The following ANKRD28 variants were observed in gnomAD, a reference collection of about 807,000 sequenced individuals.
ANKRD28 encodes serine/threonine-protein phosphatase 6 regulatory ankyrin repeat subunit A.
In ANKRD28, 44 loss-of-function variants were observed where a neutral mutation model predicts 126.5. That is an observed-to-expected ratio of 0.35 (90% CI 0.27 to 0.45). The LOEUF (loss-of-function observed/expected upper bound fraction) is 0.45, where lower values mean the gene tolerates loss of function less well. Ranked by LOEUF, ANKRD28 falls within the 20% of genes least tolerant of loss-of-function variation. ANKRD28 has a pLI of 1.00. For missense variants in ANKRD28, 1,110 were observed against 1,316.6 expected (o/e 0.84, Z 2.43); for synonymous variants, 442 against 468.5 (o/e 0.94, Z 0.73).
chr3:15,844,074 T>A (rs1186252145), intron 1 of ANKRD28, among the ~76,000 whole-genome samples: 2 of 152,156 alleles, frequency 1.3e-5, no homozygotes, highest in Non-Finnish European at 2.9e-5. Flanking sequence ...TAATGGTTGA[T>A]ATGAAGTGAG....
chr3:15,724,945 C>A (rs760463460), intron 6 of ANKRD28, among the ~76,000 whole-genome samples: 46 of 152,094 alleles, frequency 3.0e-4, no homozygotes, highest in Non-Finnish European at 3.7e-4. Flanking sequence ...CATGCCACTG[C>A]ACTCCAGGGT....
rs1384999941 is a variant in ANKRD28 at position 15,850,258 on chromosome 3, G to GAGAGAGAGAGAGAGAGAGAA, written c.27+9118_27+9119insTTCTCTCTCTCTCTCTCTCT. Among the ~76,000 whole-genome samples, 165 of 126,866 alleles carry GAGAGAGAGAGAGAGAGAGAA rather than the reference G, an allele frequency of 1.3e-3. 1 individual carries two copies. The highest frequency in any genetic ancestry group is 7.1e-3 in the East Asian group (22 of 3,118). 83.2% of individuals were successfully genotyped at this position (126,866 alleles called of 152,430 possible). On this transcript the variant is annotated intron_variant, in intron 1 of 27. Coordinates refer to the ANKRD28 transcript ENST00000399451. Reference sequence around the variant, plus strand: ...AGAGAGAGAGAGAGAGAGAGAGAGAGAGAGAAAGTTGAAATCCTACCTCAT... The same window carrying GAGAGAGAGAGAGAGAGAGAA: ...AGAGAGAGAGAGAGAGAGAGAGAGAGAGAGAGAGAGAGAGAGAGAAAGAGAAAGTTGAAATCCTACCTCAT...
chr3:15,844,935 C>T (rs892905740), intron 1 of ANKRD28, among the ~76,000 whole-genome samples: 6 of 152,180 alleles, frequency 3.9e-5, no homozygotes, highest in Non-Finnish European at 7.3e-5. Flanking sequence ...ATAGCGGTTT[C>T]TGCTTCTGGG....
intron 6 of ANKRD28, among the ~76,000 whole-genome samples, chr3:15,729,687 G>A (rs1473004398): frequency 1.3e-5 from 2 of 151,970 alleles, no homozygotes; most frequent in Non-Finnish European, 2.9e-5. Context: ...TTCAAACAGA[G>A]GCACCCCTCC....
chr3:15,850,264 A>AGAGAGAGAGAGAGAGAGAG (rs1553650173), intron 1 of ANKRD28, among the ~76,000 whole-genome samples: 3 of 80,434 alleles, frequency 3.7e-5, no homozygotes, highest in Non-Finnish European at 8.2e-5. Flanking sequence ...GAGAGAGAGA[A>AGAGAGAGAGAGAGAGAGAG]AGTTGAAATC....
intron 17 of ANKRD28, among the ~76,000 whole-genome samples, chr3:15,690,718 C>T (rs1331630829): frequency 1.3e-5 from 2 of 152,152 alleles, no homozygotes; most frequent in African/African-American, 4.8e-5. Flanking sequence ...GTACACGTCA[C>T]CATGCCCAGC....
intron 1 of ANKRD28, among the ~76,000 whole-genome samples, chr3:15,852,898 C>T (rs1179432056): frequency 1.4e-5 from 2 of 145,174 alleles, no homozygotes; most frequent in South Asian, 4.4e-4. Context: ...AGCCTTCTCA[C>T]AAAAGCTAAT....
intron 18 of ANKRD28, among the ~76,000 whole-genome samples, chr3:15,688,693 T>G (rs1213034118): frequency 1.3e-5 from 2 of 152,214 alleles, no homozygotes; most frequent in African/African-American, 4.8e-5. Flanking sequence ...TCAAATGTAT[T>G]CTTAAGGATC....
In ANKRD28 at chr3:15,721,026, C is replaced by G. The variant is rs2073669540; in HGVS notation, c.885G>C (p.Val295=). 4 of 1,613,856 alleles carry G rather than the reference C, an allele frequency of 2.5e-6. No homozygotes were observed. The East Asian group carries it at 8.9e-5, about 36-fold the overall frequency. ...VNELIDCGAI[V]NQKNEKGFTP... is the part of the protein sequence containing the mutation. ...TAAATCCTTTTTCATTCTTTTGATT[C>G]ACAATAGCACCACAGTCTATAAGTT... The change falls in exon 8 of 28, where the codon GTG becomes GTC. Residue 295 remains valine, a synonymous_variant. Coordinates refer to ENST00000683139, the MANE Select transcript of ANKRD28 (RefSeq NM_001349278.2).
At chr3:15,808,622 A>C (rs2060640069) in intron 1 of ANKRD28, among the ~76,000 whole-genome samples, 1 of 152,210 alleles carries the variant, frequency 6.6e-6, no homozygotes, top group South Asian at 2.1e-4. Flanking sequence ...AGGTTCATTC[A>C]AGACTGTATC....
chr3:15,842,886 T>C (rs1298807152), intron 1 of ANKRD28, among the ~76,000 whole-genome samples: 3 of 152,206 alleles, frequency 2.0e-5, no homozygotes. Context: ...TGCTTTACAC[T>C]GAAGAAAACA....
intron 1 of ANKRD28, among the ~76,000 whole-genome samples, chr3:15,840,201 A>C (rs1422373621): frequency 1.3e-5 from 2 of 152,250 alleles, no homozygotes; most frequent in Admixed American, 1.3e-4. Context: ...GTAAAGTTGC[A>C]AGATACAAAA....
At chr3:15,787,860 G>A (rs577305987) in intron 2 of ANKRD28, among the ~76,000 whole-genome samples, 122 of 152,224 alleles carry the variant, frequency 8.0e-4, no homozygotes, top group African/African-American at 2.8e-3. Flanking sequence ...TTCAGAAAGC[G>A]GTTTTGAAAA....
intron 4 of ANKRD28, among the ~76,000 whole-genome samples, chr3:15,737,778 T>C (rs954331367): frequency 2.0e-5 from 3 of 152,104 alleles, no homozygotes; most frequent in African/African-American, 7.2e-5. Flanking sequence ...CCTGGCTCTT[T>C]GAACAATTTT....
chr3:15,698,949 A>C (rs543551272), intron 14 of ANKRD28, among the ~76,000 whole-genome samples: 7 of 152,342 alleles, frequency 4.6e-5, no homozygotes, highest in Non-Finnish European at 8.8e-5. Flanking sequence ...CCTAAGCCAA[A>C]AGAACAAAGC....
At position 15,678,766 on chromosome 3, in the gene ANKRD28, G is replaced by A. The variant is rs899859743; in HGVS notation, c.2562-412C>T. On this transcript the variant is annotated intron_variant, in intron 23 of 27. Coordinates refer to ENST00000683139, the MANE Select transcript of ANKRD28 (RefSeq NM_001349278.2). ...CTTTGGGAAACAAATTCGAAAGAGAGGGAAAAATATTTACATGTTAAAATA... is the reference window on the plus strand; with the variant it reads ...CTTTGGGAAACAAATTCGAAAGAGAAGGAAAAATATTTACATGTTAAAATA... Among the ~76,000 whole-genome samples, 3 of 151,968 alleles carry A rather than the reference G, an allele frequency of 2.0e-5. No homozygotes were observed. The South Asian group carries it at 6.2e-4, about 31-fold the overall frequency.
chr3:15,730,280 G>A (rs2074486531), intron 6 of ANKRD28, among the ~76,000 whole-genome samples: 1 of 152,202 alleles, frequency 6.6e-6, no homozygotes, highest in Non-Finnish European at 1.5e-5. Flanking sequence ...AATGTGTAAA[G>A]GGACCTTGAC....
intron 1 of ANKRD28, among the ~76,000 whole-genome samples, chr3:15,844,818 T>C (rs1240878309): frequency 6.6e-6 from 1 of 152,234 alleles, no homozygotes; most frequent in Non-Finnish European, 1.5e-5. Context: ...TAAGGGACTC[T>C]ATTTGTATTA....
chr3:15,702,824 C>A (rs1169339804), intron 14 of ANKRD28, among the ~76,000 whole-genome samples: 1 of 151,548 alleles, frequency 6.6e-6, no homozygotes, highest in East Asian at 1.9e-4. Context: ...CCACCCCCCA[C>A]CACCCCACCC....
Sources: gnomAD v4.1 joint callset for allele counts (sites outside exome capture counted in the v4.1 genomes callset) on GRCh38, gnomAD v4.1.1 for gene constraint, MANE v1.5 for transcripts, NCBI Gene and HGNC (gene_info 2026-07-23, HGNC 2026-07-21) for gene names.